The following RNLS variants were observed in gnomAD, a reference collection of about 807,000 sequenced individuals.
The protein encoded by RNLS is renalase.
RNLS carries 39 observed loss-of-function variants against 39.8 expected under a neutral mutation model. The ratio of observed to expected loss-of-function variants is 0.98; its 90% CI spans 0.76 to 1.28. RNLS has a LOEUF of 1.28. Ranked by LOEUF, RNLS falls within the 50% of genes most tolerant of loss-of-function variation. The probability of loss-of-function intolerance (pLI) is 0.00; values close to 1 mark genes in which losing one functional copy is unlikely to be tolerated. For missense variants in RNLS, 410 were observed against 413.3 expected, an observed-to-expected ratio of 0.99 and a Z score of 0.07; for synonymous variants, 147 against 150.7, an observed-to-expected ratio of 0.98 and a Z score of 0.18.
chr10:88,403,447 T>G (rs1853062097), intron 4 of RNLS, among the ~76,000 whole-genome samples: 1 of 152,048 alleles, frequency 6.6e-6, no homozygotes, highest in African/African-American at 2.4e-5. Flanking sequence ...ACCTTTATCT[T>G]GGAGAAATAT....
At chr10:88,394,450 T>C (rs1184677730) in intron 4 of RNLS, among the ~76,000 whole-genome samples, 1 of 152,128 alleles carries the variant, frequency 6.6e-6, no homozygotes, top group Non-Finnish European at 1.5e-5. Context: ...AAAATGCTCA[T>C]CATCACTGGC....
At chr10:88,358,208 T>C (rs774315706) in intron 5 of RNLS, among the ~76,000 whole-genome samples, 4 of 152,200 alleles carry the variant, frequency 2.6e-5, no homozygotes, top group East Asian at 1.9e-4. Context: ...CCATGAAGAT[T>C]TGAGTTTATT....
Position 88,385,811 on chromosome 10 carries a change from G to A in RNLS, c.527-23086C>T, listed in dbSNP as rs116309057. 9.2e-3 allele frequency among the ~76,000 whole-genome samples: 1,401 copies of A among 152,288 alleles called. 18 individuals carry two copies. Among genetic ancestry groups the A allele is most frequent in the African/African-American group, 0.031 (1,307 of 41,532 alleles). On this transcript the variant is annotated intron_variant, in intron 4 of 6. Coordinates refer to ENST00000331772, the MANE Select transcript of RNLS (RefSeq NM_001031709.3). ...TTAGTCCACCTGGTGGTTGGGGGTA[G>A]GGGAGAAGAGAAGTTACAGGCAGAA...
At chr10:88,241,390 C>A in the RNLS span, among the ~76,000 whole-genome samples, 1 of 152,158 alleles carries the variant, frequency 6.6e-6, no homozygotes, top group East Asian at 1.9e-4. Flanking sequence ...ATAATTTATG[C>A]TTTCTAAAAA....
intron 4 of RNLS, among the ~76,000 whole-genome samples, chr10:88,554,185 A>G (rs1183287861): frequency 1.3e-5 from 2 of 152,056 alleles, no homozygotes; most frequent in Non-Finnish European, 2.9e-5. Flanking sequence ...AAAAAAAAAA[A>G]GCTGAACTTG....
At chr10:88,525,812 G>A (rs1269570107) in intron 4 of RNLS, among the ~76,000 whole-genome samples, 3 of 152,018 alleles carry the variant, frequency 2.0e-5, no homozygotes, top group Admixed American at 1.3e-4. Context: ...TGTATGTTCT[G>A]GTACATTTCT....
chr10:88,248,639 A>G, the RNLS span, among the ~76,000 whole-genome samples: 4 of 152,174 alleles, frequency 2.6e-5, no homozygotes, highest in South Asian at 2.1e-4. Context: ...AAAATGTCCA[A>G]TTGGGATCAT....
intron 4 of RNLS, among the ~76,000 whole-genome samples, chr10:88,523,215 C>G (rs541989107): frequency 6.6e-6 from 1 of 152,194 alleles, no homozygotes; most frequent in East Asian, 1.9e-4. Flanking sequence ...GGATTCTGAA[C>G]CTTCATCATA....
intron 4 of RNLS, among the ~76,000 whole-genome samples, chr10:88,450,464 G>A (rs1842300901): frequency 6.6e-6 from 1 of 152,156 alleles, no homozygotes; most frequent in African/African-American, 2.4e-5. Flanking sequence ...GGTGTGAAGA[G>A]AGCAGCTGAG....
intron 5 of RNLS, among the ~76,000 whole-genome samples, chr10:88,353,306 G>A (rs188944151): frequency 6.6e-6 from 1 of 152,092 alleles, no homozygotes; most frequent in Non-Finnish European, 1.5e-5. Context: ...TGATGTTAGG[G>A]TGTCAATTTT....
At chr10:88,448,733 A>G (rs578132664) in intron 4 of RNLS, among the ~76,000 whole-genome samples, 1 of 152,354 alleles carries the variant, frequency 6.6e-6, no homozygotes, top group African/African-American at 2.4e-5. Flanking sequence ...CACAATAGCA[A>G]AGACTTGGAA....
At chr10:88,473,105 A>C (rs1843637644) in intron 4 of RNLS, among the ~76,000 whole-genome samples, 1 of 152,174 alleles carries the variant, frequency 6.6e-6, no homozygotes, top group Non-Finnish European at 1.5e-5. Context: ...TACTGTACTG[A>C]ATACTGTAGG....
At chr10:88,274,712 G>T (rs1589442790) in exon 7 of RNLS, 1 of 378,788 alleles carries the variant, frequency 2.6e-6, no homozygotes, top group East Asian at 4.8e-5. Flanking sequence ...ATATCCAGAT[G>T]TGGAACTGCA....
chr10:88,536,132 T>C (rs1348108178), intron 4 of RNLS, among the ~76,000 whole-genome samples: 1 of 152,162 alleles, frequency 6.6e-6, no homozygotes. Context: ...TCTGAGCCTG[T>C]TTCCTTGGCC....
the RNLS span, among the ~76,000 whole-genome samples, chr10:88,195,582 A>G: frequency 6.6e-6 from 1 of 152,218 alleles, no homozygotes; most frequent in African/African-American, 2.4e-5. Context: ...ACCAAGCTAC[A>G]TGAAGAATTT....
chr10:88,317,503 C>A (rs1845847120), intron 5 of RNLS, among the ~76,000 whole-genome samples: 1 of 152,136 alleles, frequency 6.6e-6, no homozygotes, highest in Non-Finnish European at 1.5e-5. Context: ...ACATCAACAC[C>A]CCAGCGACAA....
intron 4 of RNLS, among the ~76,000 whole-genome samples, chr10:88,482,156 G>T (rs1383250295): frequency 6.6e-6 from 1 of 151,964 alleles, no homozygotes; most frequent in African/African-American, 2.4e-5. Flanking sequence ...TACTACTTAG[G>T]GTTAATTGGG....
chr10:88,249,833 T>C, the RNLS span, among the ~76,000 whole-genome samples: 1 of 152,224 alleles, frequency 6.6e-6, no homozygotes, highest in Non-Finnish European at 1.5e-5. Flanking sequence ...TTCCCACTAT[T>C]CTGTAAGTTG....
At chr10:88,532,045 AG>A (rs1223104583) in intron 4 of RNLS, among the ~76,000 whole-genome samples, 1 of 152,090 alleles carries the variant, frequency 6.6e-6, no homozygotes, top group Non-Finnish European at 1.5e-5. Flanking sequence ...GTCTTAGTTG[AG>A]TGAAGCTTTT....
Sources: gnomAD v4.1 joint callset for allele counts (sites outside exome capture counted in the v4.1 genomes callset) on GRCh38, gnomAD v4.1.1 for gene constraint, MANE v1.5 for transcripts, NCBI Gene and HGNC (gene_info 2026-07-23, HGNC 2026-07-21) for gene names.